Variants in ZFHX3 observed in about 807,000 individuals in gnomAD.
The protein encoded by ZFHX3 is zinc finger homeobox 3.
Under a neutral mutation model 279.1 loss-of-function variants are expected in ZFHX3, and 42 were observed. That is an observed-to-expected ratio of 0.15 (90% CI 0.12 to 0.19). ZFHX3 has a LOEUF of 0.19. Among genes scored for constraint, ZFHX3 ranks in the 10% least tolerant of loss-of-function variants. The pLI, the probability that ZFHX3 is intolerant of heterozygous loss-of-function variation, is 1.00. For missense variants in ZFHX3, 4,981 were observed against 4,754.0 expected, an observed-to-expected ratio of 1.05 and a Z score of -1.40; for synonymous variants, 2,293 against 1,957.8, an observed-to-expected ratio of 1.17 and a Z score of -4.52.
chr16:73,506,937 G>A (rs189382787), intron 2 of ZFHX3, among the ~76,000 whole-genome samples: 16 of 152,292 alleles, frequency 1.1e-4, no homozygotes, highest in Admixed American at 8.5e-4. Flanking sequence ...ATGGTGCGGC[G>A]TGTAATAGAC....
chr16:73,028,193 C>A (rs191065553), intron 1 of ZFHX3, among the ~76,000 whole-genome samples: 6 of 152,246 alleles, frequency 3.9e-5, no homozygotes, highest in African/African-American at 7.2e-5. Flanking sequence ...ACCATGAAGA[C>A]AACTGTCAGC....
intron 3 of ZFHX3, among the ~76,000 whole-genome samples, chr16:73,341,969 A>G (rs2016040619): frequency 6.6e-6 from 1 of 152,198 alleles, no homozygotes; most frequent in South Asian, 2.1e-4. Context: ...GGTAAATAGT[A>G]CTAGGTTTCT....
intron 1 of ZFHX3, among the ~76,000 whole-genome samples, chr16:73,683,939 A>C (rs972438326): frequency 5.9e-5 from 9 of 152,234 alleles, no homozygotes; most frequent in African/African-American, 2.2e-4. Context: ...AGTCTGTGCC[A>C]AACTACTCAA....
intron 4 of ZFHX3, among the ~76,000 whole-genome samples, chr16:73,276,726 T>C (rs1382055161): frequency 1.3e-5 from 2 of 152,208 alleles, no homozygotes; most frequent in Non-Finnish European, 2.9e-5. Flanking sequence ...ATTTTCTTAT[T>C]TTTTCAAAAG....
intron 3 of ZFHX3, among the ~76,000 whole-genome samples, chr16:72,915,225 T>C (rs2039413819): frequency 6.6e-6 from 1 of 152,164 alleles, no homozygotes; most frequent in East Asian, 1.9e-4. Context: ...TGTTTTCCCA[T>C]TGTGTCAACT....
intron 3 of ZFHX3, among the ~76,000 whole-genome samples, chr16:72,907,936 G>T (rs1031718582): frequency 6.6e-6 from 1 of 151,844 alleles, no homozygotes; most frequent in African/African-American, 2.4e-5. Context: ...CACCTGCCTC[G>T]GCCTCCCAAA....
At chr16:73,213,177 G>C (rs1276012603) in intron 5 of ZFHX3, among the ~76,000 whole-genome samples, 3 of 152,212 alleles carry the variant, frequency 2.0e-5, no homozygotes, top group Non-Finnish European at 4.4e-5. Flanking sequence ...GGAAAGGCCT[G>C]AGGGATCAGA....
chr16:73,248,541 A>T (rs543446635), intron 5 of ZFHX3, among the ~76,000 whole-genome samples: 5 of 150,378 alleles, frequency 3.3e-5, no homozygotes, highest in African/African-American at 1.2e-4. Flanking sequence ...CTGTGTGTAC[A>T]TGTGTGTGTG....
At chr16:73,590,097 G>T (rs1373767672) in intron 2 of ZFHX3, among the ~76,000 whole-genome samples, 2 of 152,130 alleles carry the variant, frequency 1.3e-5, no homozygotes. Context: ...ATTGGCATGG[G>T]AATTTTGGGC....
rs183625713 is a variant in ZFHX3 at position 73,255,221 on chromosome 16, G to A, written c.-1104+1826C>T. ...TGAGTCATTGTAAAGTGCCAAGGGCGTTGACATATACTTCATAAATGCTAA... is the reference window on the plus strand; with the variant it reads ...TGAGTCATTGTAAAGTGCCAAGGGCATTGACATATACTTCATAAATGCTAA... On this transcript the variant is annotated intron_variant, in intron 5 of 17. Coordinates refer to the ZFHX3 transcript ENST00000641206. Among the ~76,000 whole-genome samples the A allele has an allele frequency of 1.5e-3, 235 of 152,318 alleles. 3 individuals carry two copies. In the South Asian group the frequency reaches 0.027, roughly 17 times the overall value.
chr16:73,670,121 C>T (rs779998140), intron 2 of ZFHX3, among the ~76,000 whole-genome samples: 4 of 152,178 alleles, frequency 2.6e-5, no homozygotes, highest in South Asian at 2.1e-4. Flanking sequence ...TGGTTTCCCT[C>T]GCAGACCAAC....
At chr16:73,534,719 A>T (rs942562497) in intron 2 of ZFHX3, among the ~76,000 whole-genome samples, 11 of 152,240 alleles carry the variant, frequency 7.2e-5, no homozygotes, top group Admixed American at 2.6e-4. Flanking sequence ...CTGCCACACC[A>T]TCACTACCGC....
chr16:73,512,932 G>A (rs977119980), intron 2 of ZFHX3, among the ~76,000 whole-genome samples: 3 of 152,226 alleles, frequency 2.0e-5, no homozygotes, highest in African/African-American at 7.2e-5. Context: ...ACATCTGTGT[G>A]AAACCCATCG....
chr16:73,499,503 C>T (rs907927217), intron 2 of ZFHX3: 1 of 152,186 alleles, frequency 6.6e-6, no homozygotes. Flanking sequence ...CCAAGTCACA[C>T]ATTTGGGAAG....
intron 2 of ZFHX3, among the ~76,000 whole-genome samples, chr16:73,512,272 CAAAAAAAAAAAAAAAAA>C (rs3087038): frequency 0.014 from 1,252 of 87,852 alleles, 32 homozygotes; most frequent in African/African-American, 0.053. Context: ...CACTAAAATA[CAAAAAAAAAAAAAAAAA>C]AAAAAAAAAT....
intron 7 of ZFHX3, chr16:73,093,698 A>G (rs1966120412): frequency 7.5e-6 from 2 of 265,214 alleles, no homozygotes; most frequent in Admixed American, 8.2e-5. Flanking sequence ...ACATTATCTC[A>G]CCATAATGCC....
At chr16:73,502,184 C>T (rs825850) in intron 2 of ZFHX3, among the ~76,000 whole-genome samples, 127,608 of 152,194 alleles carry the variant, frequency 0.84, 53,900 homozygotes, top group East Asian at 0.96. Context: ...TAAAAGAAGG[C>T]TAAGGAACAC....
chr16:73,202,078 A>T (rs1223164466), intron 5 of ZFHX3, among the ~76,000 whole-genome samples: 3 of 152,210 alleles, frequency 2.0e-5, no homozygotes, highest in Non-Finnish European at 2.9e-5. Flanking sequence ...TCATTTTCTT[A>T]AAAAAGGCAT....
intron 1 of ZFHX3, among the ~76,000 whole-genome samples, chr16:73,710,702 G>A (rs1407917606): frequency 6.6e-6 from 1 of 152,150 alleles, no homozygotes; most frequent in Non-Finnish European, 1.5e-5. Flanking sequence ...CTGGCCACAG[G>A]CTCACAGCCG....
Sources: gnomAD v4.1 joint callset for allele counts (sites outside exome capture counted in the v4.1 genomes callset) on GRCh38, gnomAD v4.1.1 for gene constraint, MANE v1.5 for transcripts, NCBI Gene and HGNC (gene_info 2026-07-23, HGNC 2026-07-21) for gene names.